Variants in BEND2 observed in about 807,000 individuals in gnomAD.
The protein encoded by BEND2 is BEN domain containing 2, also known as BEN domain-containing protein 2.
BEND2 carries 19 observed loss-of-function variants against 43.8 expected under a neutral mutation model. The observed-to-expected ratio is 0.43, with a 90% confidence interval of 0.30 to 0.64. The LOEUF is 0.64. BEND2 is among the 30% of genes least tolerant of loss of function. The pLI is 0.11. For missense variants in BEND2, 544 were observed against 574.0 expected, an observed-to-expected ratio of 0.95 and a Z score of 0.53; for synonymous variants, 226 against 210.1, an observed-to-expected ratio of 1.08 and a Z score of -0.66.
chrX:18,180,793 CT>C (rs752843817), intron 8 of BEND2, 143 bp from the exon 9 acceptor site: 5,123 of 342,602 alleles, frequency 0.015, no homozygotes, highest in East Asian at 0.019. Context: ...TTCTTTCTTT[CT>C]TTTTTTTTTA....
chrX:18,204,573 T>C lies in BEND2; in HGVS notation c.493-658A>G. Among the ~76,000 whole-genome samples the C allele has an allele frequency of 1.8e-5, 2 of 111,899 alleles. 1 individual carries two copies. Among genetic ancestry groups the C allele is most frequent in the South Asian group, 7.5e-4 (2 of 2,650 alleles). Reference sequence around the variant, plus strand: ...CTCATATTTCAAAAGAAAAATAACATATGTGAAAATGCCATTAAGTCAAAT... The same window carrying C: ...CTCATATTTCAAAAGAAAAATAACACATGTGAAAATGCCATTAAGTCAAAT... On this transcript the variant is annotated intron_variant, in intron 4 of 13. Coordinates refer to ENST00000380033, the MANE Select transcript of BEND2 (RefSeq NM_153346.5).
At chrX:18,193,226 G>A (rs1924831346) in intron 7 of BEND2, among the ~76,000 whole-genome samples, 1 of 110,953 alleles carries the variant, frequency 9.0e-6, no homozygotes, top group Non-Finnish European at 1.9e-5. Context: ...GCTGAGGCAC[G>A]AGAATCGCTT....
At chrX:18,176,116 A>G (rs1924140431) in intron 10 of BEND2, 23 bp from the exon 11 acceptor site, 1 of 1,167,111 alleles carries the variant, frequency 8.6e-7, no homozygotes, top group South Asian at 2.0e-5. Flanking sequence ...GAAAGTATTC[A>G]CGAAAATTAG....
intron 1 of BEND2, among the ~76,000 whole-genome samples, chrX:18,220,208 C>T (rs1925822658): frequency 8.9e-6 from 1 of 112,456 alleles, no homozygotes; most frequent in South Asian, 3.7e-4. Context: ...TGCCAAAACG[C>T]TGAACAGGGC....
intron 8 of BEND2, among the ~76,000 whole-genome samples, chrX:18,190,371 A>ATAGTACTCAG (rs1298177129): frequency 2.7e-5 from 3 of 111,880 alleles, no homozygotes; most frequent in African/African-American, 9.7e-5. Context: ...ATACCATGAA[A>ATAGTACTCAG]TAGTACTCAG....
At chrX:18,215,438 A>C (rs1434272186) in intron 2 of BEND2, among the ~76,000 whole-genome samples, 1 of 112,471 alleles carries the variant, frequency 8.9e-6, no homozygotes, top group Admixed American at 9.5e-5. Context: ...TTTTGGTATC[A>C]GATCAGGGAT....
rs1360178157 is a variant in BEND2 at position 18,203,515 on chromosome X, A to T, written c.893T>A (p.Phe298Tyr). 8.3e-7 allele frequency: 1 copy of T among 1,205,521 alleles called. No homozygotes were observed. Among genetic ancestry groups the T allele is most frequent in the Non-Finnish European group, 1.1e-6 (1 of 890,549 alleles). ...GPGRALSSFC[F>Y]HPNLEMPERP... ...TTCAAACTCACCCAAATTGGGATGG[A>T]AGCAGAAAGATGACAAGGCTCTACC... The change falls in exon 5 of 14, where the codon TTC (phenylalanine) becomes TAC (tyrosine). Residue 298 changes from phenylalanine to tyrosine, a missense_variant. By Grantham distance (22) the Phe-to-Tyr change is conservative. Coordinates refer to ENST00000380033, the MANE Select transcript of BEND2 (RefSeq NM_153346.5).
chrX:18,193,088 G>A (rs777720848), intron 7 of BEND2, among the ~76,000 whole-genome samples: 2 of 111,711 alleles, frequency 1.8e-5, no homozygotes, highest in African/African-American at 3.3e-5. Context: ...AGGCCGAAGT[G>A]GGCAGATCAC....
chrX:18,174,354 A>T, intron 11 of BEND2, 96 bp from the exon 12 acceptor site: 1 of 743,705 alleles, frequency 1.3e-6, no homozygotes. Context: ...GTTGCTAGGG[A>T]AGCAACTGAC....
rs188522990 is a variant in BEND2, at chrX:18,179,078, G to T, written c.1430-1309C>A. ...GTCAACTGCCATAAATGTTTTTATGGATTTCTCTACAAACTATCTTTCAGA... is the reference window on the plus strand; with the variant it reads ...GTCAACTGCCATAAATGTTTTTATGTATTTCTCTACAAACTATCTTTCAGA... On this transcript the variant is annotated intron_variant, in intron 9 of 13. Coordinates refer to ENST00000380033, the MANE Select transcript of BEND2 (RefSeq NM_153346.5). 1.8e-3 allele frequency among the ~76,000 whole-genome samples: 197 copies of T among 109,962 alleles called. 1 individual carries two copies. The highest frequency in any genetic ancestry group is 6.2e-3 in the African/African-American group (187 of 30,229).
Position 18,195,281 on chromosome X carries a change from T to C in BEND2, c.1180+15A>G, listed in dbSNP as rs1924901153. ...ATGAGAGGCCTGCTTGTGATATCCATTATTTCAAACTCACCAAAATTAGAA... is the reference window on the plus strand; with the variant it reads ...ATGAGAGGCCTGCTTGTGATATCCACTATTTCAAACTCACCAAAATTAGAA... On this transcript the variant is annotated intron_variant, in intron 7 of 13. Coordinates refer to ENST00000380033, the MANE Select transcript of BEND2 (RefSeq NM_153346.5). 8.4e-7 allele frequency: 1 copy of C among 1,195,062 alleles called. No individual in the cohort carries two copies. Among genetic ancestry groups the C allele is most frequent in the Non-Finnish European group, 1.1e-6 (1 of 889,077 alleles).
chrX:18,176,248 C>G (rs1024310519), intron 10 of BEND2, among the ~76,000 whole-genome samples, 155 bp from the exon 11 acceptor site: 1 of 108,683 alleles, frequency 9.2e-6, no homozygotes, highest in Non-Finnish European at 1.9e-5. Flanking sequence ...ATCCTTTTCT[C>G]TTATTCTTTC....
chrX:18,166,368 C>T (rs1006902371), intron 13 of BEND2, among the ~76,000 whole-genome samples: 2 of 111,541 alleles, frequency 1.8e-5, no homozygotes, highest in Non-Finnish European at 3.8e-5. Flanking sequence ...GTTCTAGTTG[C>T]GCAAATGGGA....
intron 13 of BEND2, among the ~76,000 whole-genome samples, chrX:18,166,896 T>C (rs781383155): frequency 8.1e-4 from 86 of 105,758 alleles, no homozygotes; most frequent in Non-Finnish European, 1.4e-3. Context: ...GTCTCCAAAA[T>C]AAAAGAAACT....
chrX:18,189,444 G>A (rs1379411722), intron 8 of BEND2, among the ~76,000 whole-genome samples: 1 of 110,774 alleles, frequency 9.0e-6, no homozygotes, highest in African/African-American at 3.3e-5. Context: ...TGAGGGGGTC[G>A]AGGCAGCAGT....
At chrX:18,174,989 G>A (rs1924099518) in intron 11 of BEND2, among the ~76,000 whole-genome samples, 1 of 111,352 alleles carries the variant, frequency 9.0e-6, no homozygotes, top group African/African-American at 3.3e-5. Flanking sequence ...GAGTGGCAAG[G>A]ACCTGTCCCA....
In BEND2 at chrX:18,212,092, C is replaced by CTTTT. The variant is rs758303697; in HGVS notation, c.492+469_492+472dup. The stretch of plus-strand genomic sequence containing the variant: ...GGGTGATGAAAATGTTTATTACTGT[C>CTTTT]TTTTTTTTTTTTTTTTTTTTGAGAC... On this transcript the variant is annotated intron_variant, in intron 4 of 13. Transcript: ENST00000380033. Among the ~76,000 whole-genome samples the CTTTT allele has an allele frequency of 5.3e-3, 373 of 71,023 alleles. 7 individuals carry two copies. Among genetic ancestry groups the CTTTT allele is most frequent in the African/African-American group, 0.011 (210 of 19,430 alleles). 61.7% of individuals were successfully genotyped at this position (71,023 alleles called of 115,157 possible).
intron 13 of BEND2, among the ~76,000 whole-genome samples, chrX:18,165,973 T>G (rs780387817): frequency 8.9e-6 from 1 of 112,139 alleles, no homozygotes; most frequent in Non-Finnish European, 1.9e-5. Context: ...AATAGGCTAA[T>G]AAATGAGGAC....
At chrX:18,177,805 T>C (rs1442147893) in intron 9 of BEND2, 36 bp from the exon 10 acceptor site, 1 of 1,127,117 alleles carries the variant, frequency 8.9e-7, no homozygotes, top group African/African-American at 1.8e-5. Flanking sequence ...CATCCTTGGT[T>C]TTGTCATGCA....
Sources: gnomAD v4.1 joint callset for allele counts (sites outside exome capture counted in the v4.1 genomes callset) on GRCh38, gnomAD v4.1.1 for gene constraint, MANE v1.5 for transcripts, NCBI Gene and HGNC (gene_info 2026-07-23, HGNC 2026-07-21) for gene names.